The following CCDC85A variants were observed in gnomAD, a reference collection of about 807,000 sequenced individuals.
CCDC85A encodes coiled-coil domain-containing protein 85A.
In CCDC85A, 38 loss-of-function variants were observed where a neutral mutation model predicts 50.2. The observed-to-expected ratio is 0.76, with a 90% CI of 0.58 to 0.99. The LOEUF (loss-of-function observed/expected upper bound fraction) is 0.99, where lower values mean the gene tolerates loss of function less well. Among genes scored for constraint, CCDC85A ranks in the 50% least tolerant of loss-of-function variants. The probability of loss-of-function intolerance (pLI) is 0.00; values close to 1 mark genes in which losing one functional copy is unlikely to be tolerated. For missense variants in CCDC85A, 820 were observed against 742.0 expected (o/e 1.11, Z -1.22); for synonymous variants, 366 against 301.4 (o/e 1.21, Z -2.22).
intron 2 of CCDC85A, among the ~76,000 whole-genome samples, chr2:56,337,217 C>T (rs895582577): frequency 1.3e-5 from 2 of 152,204 alleles, no homozygotes; most frequent in African/African-American, 4.8e-5. Context: ...TGAACTTTTA[C>T]ACATAGGTTC....
intron 3 of CCDC85A, among the ~76,000 whole-genome samples, chr2:56,361,049 C>T (rs1006890100): frequency 6.6e-6 from 1 of 152,062 alleles, no homozygotes; most frequent in Non-Finnish European, 1.5e-5. Context: ...GTCAGGAGAT[C>T]GAGACCATCC....
intron 2 of CCDC85A, among the ~76,000 whole-genome samples, chr2:56,326,276 C>T (rs915461012): frequency 2.0e-4 from 31 of 152,046 alleles, no homozygotes; most frequent in Admixed American, 2.0e-3. Flanking sequence ...GAATATTTGC[C>T]TCTTAGTTTT....
At chr2:56,240,275 T>C (rs1404731405) in intron 2 of CCDC85A, among the ~76,000 whole-genome samples, 1 of 152,184 alleles carries the variant, frequency 6.6e-6, no homozygotes, top group Non-Finnish European at 1.5e-5. Flanking sequence ...TTCAGCCTCC[T>C]GTGATCAATC....
In CCDC85A at chr2:56,344,738, C is replaced by T. The variant is rs182252768; in HGVS notation, c.1317+1783C>T. On this transcript the variant is annotated intron_variant, in intron 3 of 5. Coordinates refer to ENST00000407595, the MANE Select transcript of CCDC85A (RefSeq NM_001080433.2). ...AAGGCCCTTGACTGAAAACATCTAACTTCTTACTTGTTACAAAGAAACCTA... is the reference window on the plus strand; with the variant it reads ...AAGGCCCTTGACTGAAAACATCTAATTTCTTACTTGTTACAAAGAAACCTA... Among the ~76,000 whole-genome samples the T allele has an allele frequency of 1.1e-4, 16 of 152,184 alleles. No individual in the cohort carries two copies. The South Asian group carries it at 1.9e-3, about 18-fold the overall frequency.
intron 2 of CCDC85A, among the ~76,000 whole-genome samples, chr2:56,331,258 T>C (rs1673776095): frequency 6.6e-6 from 1 of 152,038 alleles, no homozygotes; most frequent in Non-Finnish European, 1.5e-5. Flanking sequence ...GGATGAGTGA[T>C]AAGAAGTTAC....
intron 2 of CCDC85A, among the ~76,000 whole-genome samples, chr2:56,222,920 C>T (rs1427600029): frequency 6.6e-6 from 1 of 152,086 alleles, no homozygotes; most frequent in Non-Finnish European, 1.5e-5. Flanking sequence ...ATGGGAAAGC[C>T]AGCTGAATTG....
chr2:56,206,881 G>A (rs926342280), intron 2 of CCDC85A, among the ~76,000 whole-genome samples: 2 of 152,114 alleles, frequency 1.3e-5, no homozygotes, highest in African/African-American at 4.8e-5. Context: ...TGAATTACTG[G>A]AGAGTTTTTG....
chr2:56,341,647 C>T (rs1240088943), intron 2 of CCDC85A, among the ~76,000 whole-genome samples: 1 of 152,184 alleles, frequency 6.6e-6, no homozygotes, highest in African/African-American at 2.4e-5. Context: ...GACCCCTTTT[C>T]CTGACATAAA....
At chr2:56,186,283 G>C (rs1676043459) in intron 1 of CCDC85A, among the ~76,000 whole-genome samples, 1 of 152,194 alleles carries the variant, frequency 6.6e-6, no homozygotes, top group South Asian at 2.1e-4. Flanking sequence ...GGCTAGTGTA[G>C]TAGGAAGATG....
chr2:56,354,380 C>T (rs181749161), intron 3 of CCDC85A, among the ~76,000 whole-genome samples: 2 of 152,262 alleles, frequency 1.3e-5, no homozygotes, highest in East Asian at 3.9e-4. Context: ...AGAGAAGCTG[C>T]ATATAAATCA....
At chr2:56,217,527 G>T (rs1668123461) in intron 2 of CCDC85A, among the ~76,000 whole-genome samples, 2 of 151,752 alleles carry the variant, frequency 1.3e-5, no homozygotes, top group Non-Finnish European at 2.9e-5. Flanking sequence ...TTTTTTTGGT[G>T]CTTTAAAATG....
rs1171297193 is a variant in CCDC85A, at chr2:56,205,784, A to C, written c.1240+12344A>C. On this transcript the variant is annotated intron_variant, in intron 2 of 5. Transcript: ENST00000407595. ...ATTGTGTATTCCATGTGGGTACAGC[A>C]TGGTAGTAGGTATTATGTGAGGTGT... is the stretch of plus-strand genomic sequence containing the variant. 9.2e-5 allele frequency among the ~76,000 whole-genome samples: 14 copies of C among 152,188 alleles called. No homozygotes were observed. The East Asian group carries it at 2.5e-3, about 27-fold the overall frequency.
At chr2:56,194,944 T>C (rs1279285385) in intron 2 of CCDC85A, among the ~76,000 whole-genome samples, 2 of 149,394 alleles carry the variant, frequency 1.3e-5, no homozygotes, top group African/African-American at 5.0e-5. Flanking sequence ...GAAAGTTTGG[T>C]TGTGTTACTA....
intron 3 of CCDC85A, among the ~76,000 whole-genome samples, chr2:56,346,809 T>C (rs1011683391): frequency 1.3e-5 from 2 of 152,214 alleles, no homozygotes; most frequent in African/African-American, 2.4e-5. Flanking sequence ...CACAGTTAAA[T>C]CTTTTTCAAA....
intron 2 of CCDC85A, among the ~76,000 whole-genome samples, chr2:56,243,853 C>T (rs1458591952): frequency 6.6e-6 from 1 of 152,212 alleles, no homozygotes; most frequent in East Asian, 1.9e-4. Flanking sequence ...CATTAGGGGA[C>T]ACCCCAAGCC....
chr2:56,260,552 T>C (rs1043304865), intron 2 of CCDC85A, among the ~76,000 whole-genome samples: 1 of 152,142 alleles, frequency 6.6e-6, no homozygotes, highest in Non-Finnish European at 1.5e-5. Flanking sequence ...CCTGCAGGAG[T>C]AGCAATGTGA....
chr2:56,227,439 GA>G (rs1028009268), intron 2 of CCDC85A, among the ~76,000 whole-genome samples: 4 of 152,146 alleles, frequency 2.6e-5, no homozygotes, highest in African/African-American at 9.7e-5. Context: ...GCCTGGAGGG[GA>G]AGAGAAATGG....
chr2:56,327,162 C>T (rs1342399774), intron 2 of CCDC85A, among the ~76,000 whole-genome samples: 1 of 152,138 alleles, frequency 6.6e-6, no homozygotes, highest in Non-Finnish European at 1.5e-5. Context: ...ATACATATGC[C>T]TTTAGAAAGA....
Position 56,379,275 on chromosome 2 carries a change from C to T in CCDC85A, c.1572+3340C>T, listed in dbSNP as rs1676475377. On this transcript the variant is annotated intron_variant, in intron 5 of 5. Coordinates refer to ENST00000407595, the MANE Select transcript of CCDC85A (RefSeq NM_001080433.2). Reference sequence around the variant, plus strand: ...AGAACTGCGAGGTCAGTAGTTCTTACGTGCATATTCCTGGGTTTTGACCAG... The same window carrying T: ...AGAACTGCGAGGTCAGTAGTTCTTATGTGCATATTCCTGGGTTTTGACCAG... 3.9e-5 allele frequency among the ~76,000 whole-genome samples: 6 copies of T among 152,142 alleles called. No individual in the cohort carries two copies. In the South Asian group the frequency reaches 1.0e-3, roughly 26 times the overall value.
Sources: gnomAD v4.1 joint callset for allele counts (sites outside exome capture counted in the v4.1 genomes callset) on GRCh38, gnomAD v4.1.1 for gene constraint, MANE v1.5 for transcripts, NCBI Gene and HGNC (gene_info 2026-07-23, HGNC 2026-07-21) for gene names.